Variants in UCMA observed in about 807,000 individuals in gnomAD.
UCMA encodes the protein upper zone of growth plate and cartilage matrix-associated protein.
In UCMA, 21 loss-of-function variants were observed where a neutral mutation model predicts 21.8. The ratio of observed to expected loss-of-function variants is 0.97; its 90% CI spans 0.68 to 1.39. The LOEUF (loss-of-function observed/expected upper bound fraction) is 1.39, where lower values mean the gene tolerates loss of function less well. UCMA is among the 40% of genes most tolerant of loss of function. The probability of loss-of-function intolerance (pLI) is 0.00; values close to 1 mark genes in which losing one functional copy is unlikely to be tolerated. For synonymous variants in UCMA, 76 were observed against 67.9 expected (o/e 1.12, Z -0.58); for missense variants, 193 against 178.9 (o/e 1.08, Z -0.45).
chr10:13,230,153 G>A (rs899079938), intron 3 of UCMA, among the ~76,000 whole-genome samples: 4 of 152,144 alleles, frequency 2.6e-5, no homozygotes, highest in East Asian at 1.9e-4. Flanking sequence ...GAAAGATTCC[G>A]TCCTTCCAGC....
At position 13,223,204 on chromosome 10, in the gene UCMA, C is replaced by T. The variant is rs149909737; in HGVS notation, c.320-1004G>A. ...TCACGCCACTGCACTCCAGCCTGGG[C>T]GACAGAGTGAGATCCTATCTCAAAA... On this transcript the variant is annotated intron_variant, in intron 4 of 4. Coordinates refer to ENST00000378681, the MANE Select transcript of UCMA (RefSeq NM_145314.3). Among the ~76,000 whole-genome samples, 143 of 142,402 alleles carry T rather than the reference C, an allele frequency of 1.0e-3. 1 individual carries two copies. Among genetic ancestry groups the T allele is most frequent in the Admixed American group, 2.4e-3 (33 of 13,822 alleles). 93.4% of individuals were successfully genotyped at this position (142,402 alleles called of 152,430 possible).
chr10:13,223,874 A>AC (rs1275083806), intron 4 of UCMA, among the ~76,000 whole-genome samples: 2 of 121,052 alleles, frequency 1.7e-5, no homozygotes, highest in African/African-American at 6.7e-5. Context: ...ATTTACAGAG[A>AC]CAAAAAAAAA....
chr10:13,231,055 T>C (rs1344489385), intron 3 of UCMA, among the ~76,000 whole-genome samples: 1 of 130,658 alleles, frequency 7.7e-6, no homozygotes, highest in Non-Finnish European at 1.6e-5. Context: ...TTAAAATAAA[T>C]AAATAAATAA....
Position 13,234,213 on chromosome 10 carries a change from C to A in UCMA, c.46G>T (p.Val16Leu). The A allele has an allele frequency of 1.2e-6, 2 of 1,613,312 alleles. No individual in the cohort carries two copies. Among genetic ancestry groups the A allele is most frequent in the Non-Finnish European group, 1.7e-6 (2 of 1,179,850 alleles). ...CTCCTGTACTCACTAGACAGGAGCA[C>A]CACGGCGGAGAAGCAAGACAGCAGG... Reference protein sequence around the residue: ...AVLLSCFSAVVLLSMLREGTS... With the variant: ...AVLLSCFSAVLLLSMLREGTS... The change falls in exon 1 of 5, where the codon GTG becomes TTG. Residue 16 changes from valine (V) to leucine (L), a missense_variant. Val to Leu is a conservative substitution (Grantham distance 32, BLOSUM62 1). Coordinates refer to ENST00000378681, the MANE Select transcript of UCMA (RefSeq NM_145314.3).
intron 4 of UCMA, 54 bp from the exon 5 acceptor site, chr10:13,222,254 C>T: frequency 2.6e-6 from 4 of 1,540,316 alleles, no homozygotes; most frequent in African/African-American, 1.4e-5. Flanking sequence ...TGACCTGCCA[C>T]TGAGCCCAGC....
Position 13,229,726 on chromosome 10 carries a change from A to G in UCMA, c.221-17T>C. The G allele has an allele frequency of 6.2e-7, 1 of 1,611,500 alleles. No homozygotes were observed. Among genetic ancestry groups the G allele is most frequent in the Non-Finnish European group, 8.5e-7 (1 of 1,177,778 alleles). ...TGTTTTCCACTGTGAAAGGAAAAGA[A>G]GCAAGAGTTGCCCCTCAAGAATGAG... is the stretch of plus-strand genomic sequence containing the variant. On this transcript the variant is annotated splice_polypyrimidine_tract_variant and intron_variant, in intron 3 of 4. Coordinates refer to ENST00000378681, the MANE Select transcript of UCMA (RefSeq NM_145314.3).
At chr10:13,232,919 C>G (rs186042598) in intron 3 of UCMA, among the ~76,000 whole-genome samples, 1 of 149,724 alleles carries the variant, frequency 6.7e-6, no homozygotes, top group Non-Finnish European at 1.5e-5. Flanking sequence ...CAGGCTCACC[C>G]CAATGTGTTG....
At chr10:13,228,643 G>A (rs1834856408) in intron 4 of UCMA, among the ~76,000 whole-genome samples, 1 of 152,086 alleles carries the variant, frequency 6.6e-6, no homozygotes, top group East Asian at 1.9e-4. Context: ...GATGGAGTAG[G>A]ACCTGGAGCC....
intron 3 of UCMA, among the ~76,000 whole-genome samples, chr10:13,230,590 G>A (rs1313142566): frequency 1.3e-5 from 2 of 152,134 alleles, no homozygotes; most frequent in African/African-American, 4.8e-5. Context: ...CACACCAAAT[G>A]GGGGAGACGG....
intron 4 of UCMA, among the ~76,000 whole-genome samples, chr10:13,227,736 A>G (rs1834841468): frequency 9.4e-6 from 1 of 106,336 alleles, no homozygotes; most frequent in African/African-American, 3.8e-5. Flanking sequence ...AAAAAAAGGA[A>G]AGGAAATACA....
Position 13,222,153 on chromosome 10 carries a change from G to A in UCMA, c.367C>T (p.His123Tyr), listed in dbSNP as rs772050904. The A allele has an allele frequency of 2.5e-6, 4 of 1,614,028 alleles. No individual in the cohort carries two copies. Among genetic ancestry groups the A allele is most frequent in the Non-Finnish European group, 2.5e-6 (3 of 1,180,050 alleles). ...TAGGATGGGTGCAGGCCGTCATAGT[G>A]CCACTGGCGCCACTGCTCCACAGCC... Reference protein sequence around the residue: ...REAVEQWRQWHYDGLHPSYLY... With the variant: ...REAVEQWRQWYYDGLHPSYLY... Residue 123 changes from histidine to tyrosine, a missense_variant, in exon 5 of 5, where the codon CAC (histidine) becomes TAC (tyrosine). Coordinates refer to ENST00000378681, the MANE Select transcript of UCMA (RefSeq NM_145314.3).
rs111353874 is a variant in UCMA at position 13,228,425 on chromosome 10, A to G, written c.319+1186T>C. On this transcript the variant is annotated intron_variant, in intron 4 of 4. Transcript: ENST00000378681. ...ATACAAATAGGAGAAGCATAAAGCC[A>G]CAAGAAAACCATATAAAAATTTTCA... Among the ~76,000 whole-genome samples, 6 of 152,316 alleles carry G rather than the reference A, an allele frequency of 3.9e-5. 2 individuals carry two copies. The highest frequency in any genetic ancestry group is 1.9e-4 in the East Asian group (1 of 5,192).
At chr10:13,227,409 T>C (rs868516421) in intron 4 of UCMA, among the ~76,000 whole-genome samples, 1 of 152,138 alleles carries the variant, frequency 6.6e-6, no homozygotes, top group African/African-American at 2.4e-5. Context: ...ATCTTGAAAT[T>C]TGGAGAAAGA....
At chr10:13,225,216 G>T (rs1299052972) in intron 4 of UCMA, among the ~76,000 whole-genome samples, 1 of 152,064 alleles carries the variant, frequency 6.6e-6, no homozygotes, top group African/African-American at 2.4e-5. Context: ...ACCATGCCGG[G>T]CTAATTTTTA....
intron 4 of UCMA, among the ~76,000 whole-genome samples, chr10:13,226,121 T>A (rs1207348630): frequency 6.6e-6 from 1 of 152,140 alleles, no homozygotes; most frequent in Non-Finnish European, 1.5e-5. Context: ...GTTCTAATGC[T>A]AGGGCTATCT....
chr10:13,232,762 G>A (rs920323253), intron 3 of UCMA, among the ~76,000 whole-genome samples: 1 of 152,050 alleles, frequency 6.6e-6, no homozygotes, highest in East Asian at 1.9e-4. Context: ...TCAAGCCAGA[G>A]ACTCGGGAGA....
intron 4 of UCMA, among the ~76,000 whole-genome samples, chr10:13,223,612 G>A (rs1237298133): frequency 4.6e-5 from 7 of 152,184 alleles, no homozygotes; most frequent in Admixed American, 4.6e-4. Context: ...GGGGTGCAGT[G>A]GCGTGATCTC....
chr10:13,232,177 C>T (rs560588061), intron 3 of UCMA, among the ~76,000 whole-genome samples: 2 of 152,090 alleles, frequency 1.3e-5, no homozygotes, highest in East Asian at 3.9e-4. Flanking sequence ...AGTTCGAAAC[C>T]AGCCTGGCCA....
chr10:13,228,697 C>T (rs1834857271), intron 4 of UCMA, among the ~76,000 whole-genome samples: 1 of 152,104 alleles, frequency 6.6e-6, no homozygotes, highest in Non-Finnish European at 1.5e-5. Flanking sequence ...TGAGTGTGGA[C>T]TCTGTCCAAT....
Sources: gnomAD v4.1 joint callset for allele counts (sites outside exome capture counted in the v4.1 genomes callset) on GRCh38, gnomAD v4.1.1 for gene constraint, MANE v1.5 for transcripts, NCBI Gene and HGNC (gene_info 2026-07-23, HGNC 2026-07-21) for gene names.